Variants in EBAG9 observed in about 807,000 individuals in gnomAD.
EBAG9 encodes receptor-binding cancer antigen expressed on SiSo cells.
EBAG9 carries 16 observed loss-of-function variants against 30.9 expected under a neutral mutation model. The observed-to-expected ratio is 0.52, with a 90% CI of 0.35 to 0.79. The LOEUF is 0.79. EBAG9 is among the 30% of genes least tolerant of loss of function. EBAG9 has a pLI of 0.01. For missense variants in EBAG9, 197 were observed against 242.1 expected, an observed-to-expected ratio of 0.81 and a Z score of 1.24; for synonymous variants, 93 against 82.8, an observed-to-expected ratio of 1.12 and a Z score of -0.67.
intron 5 of EBAG9, chr8:109,557,676 A>C (rs1478446094): frequency 2.2e-6 from 1 of 456,072 alleles, no homozygotes; most frequent in Admixed American, 2.3e-5. Context: ...GTGGATTGGG[A>C]ATCCAGGTGA....
intron 1 of EBAG9, among the ~76,000 whole-genome samples, chr8:109,543,370 T>C (rs962453706): frequency 6.6e-6 from 1 of 152,152 alleles, no homozygotes; most frequent in Non-Finnish European, 1.5e-5. Context: ...AAGACTAGTG[T>C]GCGTTTTGCC....
upstream of EBAG9, chr8:109,540,093 C>G (rs909281258): frequency 1.3e-5 from 2 of 152,566 alleles, no homozygotes; most frequent in Admixed American, 6.5e-5. Flanking sequence ...CCTCCCTCGA[C>G]GCCCGACAGC....
intron 6 of EBAG9, chr8:109,563,472 C>T (rs759778050): frequency 6.3e-7 from 1 of 1,597,548 alleles, no homozygotes; most frequent in Non-Finnish European, 8.5e-7. Context: ...CCTACATTAA[C>T]CAATCAGTAA....
At chr8:109,561,187 T>A (rs1007967038) in intron 6 of EBAG9, among the ~76,000 whole-genome samples, 5 of 150,948 alleles carry the variant, frequency 3.3e-5, no homozygotes, top group Admixed American at 1.3e-4. Flanking sequence ...TATATATACA[T>A]GTATATAAAA....
intron 1 of EBAG9, among the ~76,000 whole-genome samples, chr8:109,546,888 A>G (rs1461848564): frequency 2.6e-5 from 4 of 152,210 alleles, no homozygotes; most frequent in Non-Finnish European, 4.4e-5. Context: ...ATTGCTGAGT[A>G]GTAAGTAGTC....
chr8:109,547,486 T>G (rs955954759), intron 1 of EBAG9, among the ~76,000 whole-genome samples: 5 of 149,488 alleles, frequency 3.3e-5, no homozygotes, highest in Non-Finnish European at 6.0e-5. Context: ...TATATGTTCT[T>G]TTTTTTTTTT....
intron 4 of EBAG9, among the ~76,000 whole-genome samples, chr8:109,556,130 G>C (rs1325028174): frequency 6.6e-6 from 1 of 151,806 alleles, no homozygotes; most frequent in Admixed American, 6.6e-5. Flanking sequence ...CACACTTAAA[G>C]TTCACTTTCT....
At chr8:109,563,202 T>C (rs1322466585) in intron 6 of EBAG9, among the ~76,000 whole-genome samples, 5 of 152,142 alleles carry the variant, frequency 3.3e-5, no homozygotes, top group Non-Finnish European at 7.4e-5. Context: ...CTCTGCCTAC[T>C]CCTGTTTATG....
At chr8:109,561,375 T>G (rs1821707857) in intron 6 of EBAG9, among the ~76,000 whole-genome samples, 1 of 152,014 alleles carries the variant, frequency 6.6e-6, no homozygotes, top group African/African-American at 2.4e-5. Flanking sequence ...ACACTCTACA[T>G]TTGTACATAT....
intron 2 of EBAG9, among the ~76,000 whole-genome samples, chr8:109,551,497 C>T (rs1821493932): frequency 6.6e-6 from 1 of 152,054 alleles, no homozygotes; most frequent in South Asian, 2.1e-4. Flanking sequence ...TGAGGCACCT[C>T]AGGGCTTTAC....
chr8:109,556,721 T>C (rs1821604825), intron 4 of EBAG9, among the ~76,000 whole-genome samples: 1 of 152,124 alleles, frequency 6.6e-6, no homozygotes. Flanking sequence ...GGGCCTGTAT[T>C]AATTTTTAAA....
chr8:109,561,665 A>G (rs936845839), intron 6 of EBAG9, among the ~76,000 whole-genome samples: 1 of 149,348 alleles, frequency 6.7e-6, no homozygotes, highest in African/African-American at 2.4e-5. Flanking sequence ...AGATACAGCA[A>G]TATAAATTTT....
intron 6 of EBAG9, among the ~76,000 whole-genome samples, chr8:109,561,522 G>C (rs1382455631): frequency 6.6e-6 from 1 of 151,960 alleles, no homozygotes; most frequent in Non-Finnish European, 1.5e-5. Flanking sequence ...ATATTTCTTA[G>C]TACTGCTACA....
At chr8:109,554,168 A>G (rs989948674) in intron 3 of EBAG9, among the ~76,000 whole-genome samples, 7 of 152,218 alleles carry the variant, frequency 4.6e-5, no homozygotes, top group Admixed American at 1.3e-4. Flanking sequence ...AGTGTTTGCT[A>G]TTGTTTGTTG....
chr8:109,541,083 C>T (rs1821265004), intron 1 of EBAG9, among the ~76,000 whole-genome samples: 1 of 151,952 alleles, frequency 6.6e-6, no homozygotes, highest in South Asian at 2.1e-4. Context: ...AGCTCTCATT[C>T]TTGATTTCCT....
chr8:109,561,838 C>A (rs191333919), intron 6 of EBAG9, among the ~76,000 whole-genome samples: 1 of 148,434 alleles, frequency 6.7e-6, no homozygotes, highest in African/African-American at 2.5e-5. Context: ...AGCTAAATAA[C>A]TGGGAATTTT....
chr8:109,564,699 A>T lies in EBAG9; in HGVS notation c.*140A>T. 8.2e-7 allele frequency: 1 copy of T among 1,220,490 alleles called. No individual in the cohort carries two copies. Among genetic ancestry groups the T allele is most frequent in the South Asian group, 1.7e-5 (1 of 60,114 alleles). The allele number at this position is 1,220,490 out of a possible 1,614,324, so 75.6% of individuals were successfully genotyped here. On this transcript the variant is annotated 3_prime_UTR_variant, in exon 7 of 7. Coordinates refer to ENST00000337573, the MANE Select transcript of EBAG9 (RefSeq NM_004215.5). The stretch of plus-strand genomic sequence containing the variant: ...TGATCAGGCCATCCAGGACACCACG[A>T]TTCTCCCAAAGTACCTTGAACTCTT...
At chr8:109,561,168 A>G (rs1821703413) in intron 6 of EBAG9, among the ~76,000 whole-genome samples, 1 of 151,450 alleles carries the variant, frequency 6.6e-6, no homozygotes, top group Admixed American at 6.6e-5. Flanking sequence ...TTAATGGCAA[A>G]TGGAGTGTTA....
intron 2 of EBAG9, among the ~76,000 whole-genome samples, chr8:109,552,905 G>T (rs981928710): frequency 6.6e-6 from 1 of 152,096 alleles, no homozygotes; most frequent in Admixed American, 6.6e-5. Context: ...AGACCAGCCT[G>T]GGCAACACAG....
Sources: gnomAD v4.1 joint callset for allele counts (sites outside exome capture counted in the v4.1 genomes callset) on GRCh38, gnomAD v4.1.1 for gene constraint, MANE v1.5 for transcripts, NCBI Gene and HGNC (gene_info 2026-07-23, HGNC 2026-07-21) for gene names.